IFT140: variants seen among roughly 807,000 people sequenced by gnomAD.
IFT140 encodes the protein intraflagellar transport 140, also known as intraflagellar transport protein 140 homolog.
Under a neutral mutation model 164.6 loss-of-function variants are expected in IFT140, and 133 were observed. The ratio of observed to expected loss-of-function variants is 0.81; its 90% CI spans 0.70 to 0.93. The LOEUF is 0.93. Among genes scored for constraint, IFT140 ranks in the 40% least tolerant of loss-of-function variants. The pLI is 0.00. For missense variants in IFT140, 2,045 were observed against 1,972.3 expected, an observed-to-expected ratio of 1.04 and a Z score of -0.70; for synonymous variants, 860 against 817.3, an observed-to-expected ratio of 1.05 and a Z score of -0.89.
At chr16:1,529,669 ACTT>A (rs1021136577) in intron 19 of IFT140, among the ~76,000 whole-genome samples, 1 of 152,162 alleles carries the variant, frequency 6.6e-6, no homozygotes, top group Admixed American at 6.5e-5. Context: ...TTACAATGAA[ACTT>A]CTTTCTAACA....
At position 1,592,673 on chromosome 16, in the gene IFT140, G is replaced by T; in HGVS notation, c.370-85C>A. The T allele has an allele frequency of 7.3e-6, 11 of 1,515,662 alleles. 1 individual carries two copies. The highest frequency in any genetic ancestry group is 9.8e-6 in the Non-Finnish European group (11 of 1,122,608). The allele number at this position is 1,515,662 out of a possible 1,614,324, so 93.9% of individuals were successfully genotyped here. A position where few individuals can be genotyped will look rare whatever the true frequency, so the allele number is the denominator to read the frequency against. Reference sequence around the variant, plus strand: ...GACAGGTGTCCTGGCAGAGCGACTGGTGGTGGGACAGGTGTCCCGGCAGAG... The same window carrying T: ...GACAGGTGTCCTGGCAGAGCGACTGTTGGTGGGACAGGTGTCCCGGCAGAG... On this transcript the variant is annotated intron_variant, in intron 4 of 30. Coordinates refer to ENST00000426508, the MANE Select transcript of IFT140 (RefSeq NM_014714.4).
chr16:1,524,790 G>A lies in IFT140; in HGVS notation c.2991C>T (p.Val997=). The A allele has an allele frequency of 6.2e-7, 1 of 1,607,456 alleles. No individual in the cohort carries two copies. Among genetic ancestry groups the A allele is most frequent in the Non-Finnish European group, 8.5e-7 (1 of 1,174,768 alleles). ...TCCCCTGCGGGGACCTTACCTTCTGGACATTGCCCTGGAAGCAGTGGATGC... is the reference window on the plus strand; with the variant it reads ...TCCCCTGCGGGGACCTTACCTTCTGAACATTGCCCTGGAAGCAGTGGATGC... ...LVRIHCFQGN[V]QKAAQIANET... The change falls in exon 23 of 31, where the codon GTC becomes GTT. Residue 997 remains valine (V), a synonymous_variant. Coordinates refer to ENST00000426508, the MANE Select transcript of IFT140 (RefSeq NM_014714.4).
At chr16:1,603,561 C>T (rs548381133) in intron 3 of IFT140, among the ~76,000 whole-genome samples, 100 of 151,990 alleles carry the variant, frequency 6.6e-4, no homozygotes, top group Non-Finnish European at 1.1e-3. Context: ...CTGAGCTCAC[C>T]GCAACCTCCG....
chr16:1,532,817 C>G (rs752193268), intron 19 of IFT140: 1 of 152,368 alleles, frequency 6.6e-6, no homozygotes, highest in South Asian at 2.1e-4. Flanking sequence ...GCAGAATAGA[C>G]GAAGATGCTT....
chr16:1,530,409 G>A (rs1423069115), intron 19 of IFT140, among the ~76,000 whole-genome samples: 1 of 152,082 alleles, frequency 6.6e-6, no homozygotes, highest in Non-Finnish European at 1.5e-5. Flanking sequence ...TGGATTACAG[G>A]TGTGAGCCAC....
chr16:1,598,424 C>T (rs2035573481), intron 4 of IFT140, among the ~76,000 whole-genome samples: 2 of 152,056 alleles, frequency 1.3e-5, no homozygotes, highest in South Asian at 2.1e-4. Flanking sequence ...CGCCACTGCA[C>T]TCCAGCCTGA....
intron 19 of IFT140, among the ~76,000 whole-genome samples, chr16:1,530,361 G>A (rs1291265247): frequency 1.3e-5 from 2 of 152,048 alleles, no homozygotes; most frequent in South Asian, 2.1e-4. Context: ...TCGATCTCTT[G>A]ACCTTGTGAT....
chr16:1,539,098 C>T (rs971833404), intron 19 of IFT140, among the ~76,000 whole-genome samples: 3 of 149,128 alleles, frequency 2.0e-5, no homozygotes, highest in Admixed American at 6.7e-5. Flanking sequence ...GATGGCCCCC[C>T]ACCTCAGGCC....
At chr16:1,554,067 G>A (rs1043189770) in intron 19 of IFT140, 1 of 1,287,182 alleles carries the variant, frequency 7.8e-7, no homozygotes, top group Non-Finnish European at 1.0e-6. Context: ...AAGCATGGAA[G>A]GAAAATCTGC....
At chr16:1,561,226 A>G (rs2033390008) in intron 18 of IFT140, among the ~76,000 whole-genome samples, 1 of 152,260 alleles carries the variant, frequency 6.6e-6, no homozygotes, top group African/African-American at 2.4e-5. Flanking sequence ...CGTGGGGCAC[A>G]CATGGGCTGC....
chr16:1,525,831 T>C, intron 21 of IFT140, 56 bp downstream of exon 21: 1 of 1,453,714 alleles, frequency 6.9e-7, no homozygotes. Context: ...ACAAGAGGCC[T>C]CACAAGCCAG....
chr16:1,511,544 T>A (rs1459103374), intron 30 of IFT140, among the ~76,000 whole-genome samples: 3 of 150,592 alleles, frequency 2.0e-5, no homozygotes, highest in African/African-American at 7.3e-5. Context: ...TATGTCAGAG[T>A]GGAGGGCAGG....
intron 4 of IFT140, among the ~76,000 whole-genome samples, chr16:1,593,875 ACT>A (rs1307413341): frequency 6.6e-6 from 1 of 151,700 alleles, no homozygotes; most frequent in African/African-American, 2.4e-5. Flanking sequence ...GAAAGAAGTC[ACT>A]CTCTGCAGCC....
At chr16:1,578,511 A>G (rs996446900) in intron 13 of IFT140, 19 of 152,010 alleles carry the variant, frequency 1.2e-4, no homozygotes, top group African/African-American at 4.4e-4. Context: ...TGCAGGGCTA[A>G]GGCAGGACAA....
intron 19 of IFT140, among the ~76,000 whole-genome samples, chr16:1,535,851 T>C (rs2031013094): frequency 6.6e-6 from 1 of 152,214 alleles, no homozygotes; most frequent in Non-Finnish European, 1.5e-5. Context: ...AGCCTATGAA[T>C]AACTTCAAAG....
At chr16:1,567,876 G>A (rs1013049083) in intron 15 of IFT140, among the ~76,000 whole-genome samples, 1 of 152,208 alleles carries the variant, frequency 6.6e-6, no homozygotes, top group East Asian at 1.9e-4. Context: ...GCGTGCCAAA[G>A]AAAACTGAGT....
intron 19 of IFT140, among the ~76,000 whole-genome samples, chr16:1,556,570 G>A (rs2033098361): frequency 1.3e-5 from 2 of 152,240 alleles, no homozygotes; most frequent in Admixed American, 1.3e-4. Flanking sequence ...TGGATTGTGA[G>A]GCCCGTATTG....
At chr16:1,538,427 G>A (rs957076503) in intron 19 of IFT140, among the ~76,000 whole-genome samples, 6 of 152,168 alleles carry the variant, frequency 3.9e-5, no homozygotes, top group East Asian at 3.9e-4. Flanking sequence ...ACAACTACAC[G>A]TGCAGCTGTG....
intron 16 of IFT140, among the ~76,000 whole-genome samples, chr16:1,565,904 C>T (rs1274718026): frequency 6.6e-6 from 1 of 152,208 alleles, no homozygotes; most frequent in Non-Finnish European, 1.5e-5. Flanking sequence ...GCCACTTCTA[C>T]AGATTCCCGG....
Sources: gnomAD v4.1 joint callset for allele counts (sites outside exome capture counted in the v4.1 genomes callset) on GRCh38, gnomAD v4.1.1 for gene constraint, MANE v1.5 for transcripts, NCBI Gene and HGNC (gene_info 2026-07-23, HGNC 2026-07-21) for gene names.